The following INTS9 variants were observed in gnomAD, a reference collection of about 807,000 sequenced individuals.
INTS9 encodes the protein protein related to CPSF subunits of 74 kDa.
Under a neutral mutation model 79.7 loss-of-function variants are expected in INTS9, and 55 were observed. The observed-to-expected ratio is 0.69, with a 90% CI of 0.56 to 0.86. The LOEUF (loss-of-function observed/expected upper bound fraction) is 0.86, where lower values mean the gene tolerates loss of function less well. INTS9 is among the 40% of genes least tolerant of loss of function. The pLI is 0.00. For missense variants in INTS9, 721 were observed against 831.5 expected (o/e 0.87, Z 1.64); for synonymous variants, 319 against 325.2 (o/e 0.98, Z 0.20).
intron 1 of INTS9, among the ~76,000 whole-genome samples, chr8:28,863,679 G>A (rs1438316563): frequency 6.6e-6 from 1 of 152,196 alleles, no homozygotes; most frequent in Non-Finnish European, 1.5e-5. Flanking sequence ...GTGAGGCTAA[G>A]GCTGAGGCAG....
At chr8:28,823,216 C>G (rs1024344539) in intron 6 of INTS9, among the ~76,000 whole-genome samples, 11 of 152,192 alleles carry the variant, frequency 7.2e-5, no homozygotes, top group Admixed American at 1.3e-4. Context: ...GAGGTAAAGG[C>G]ACCTGAAAAA....
Position 28,793,795 on chromosome 8 carries a change from C to T in INTS9, c.1037+12G>A, listed in dbSNP as rs56837295. On this transcript the variant is annotated intron_variant, in intron 10 of 16. Transcript: ENST00000521022. ...TAAAATTCACAAAAAAAAAAAAAAA[C>T]CACGGACATACCACTCAGCAAAGAT... 1 of 1,462,566 alleles carries T rather than the reference C, an allele frequency of 6.8e-7. No homozygotes were observed. The highest frequency in any genetic ancestry group is 2.7e-5 in the East Asian group (1 of 37,650). The allele number at this position is 1,462,566 out of a possible 1,614,324, so 90.6% of individuals were successfully genotyped here.
intron 5 of INTS9, among the ~76,000 whole-genome samples, chr8:28,836,299 CAGTT>C (rs1349902203): frequency 6.6e-6 from 1 of 152,134 alleles, no homozygotes; most frequent in Non-Finnish European, 1.5e-5. Flanking sequence ...GCTGCGCTAT[CAGTT>C]AGATCAAGGT....
At chr8:28,835,983 T>C (rs1033494450) in intron 5 of INTS9, among the ~76,000 whole-genome samples, 2 of 152,062 alleles carry the variant, frequency 1.3e-5, no homozygotes, top group African/African-American at 4.8e-5. Flanking sequence ...TAATTTTTTG[T>C]ATTTTTAGTA....
At chr8:28,768,736 A>G (rs2130829839) in intron 16 of INTS9, among the ~76,000 whole-genome samples, 2 of 152,342 alleles carry the variant, frequency 1.3e-5, no homozygotes, top group East Asian at 3.9e-4. Context: ...TCAAGAGTGA[A>G]GGAGAGAAGG....
chr8:28,865,920 C>T (rs372078850), intron 1 of INTS9, among the ~76,000 whole-genome samples: 2 of 151,322 alleles, frequency 1.3e-5, no homozygotes, highest in South Asian at 4.2e-4. Flanking sequence ...TCATTTTACT[C>T]CCCCCTCCCT....
chr8:28,797,444 G>T (rs1247656048), intron 8 of INTS9, among the ~76,000 whole-genome samples: 1 of 151,962 alleles, frequency 6.6e-6, no homozygotes, highest in Admixed American at 6.6e-5. Context: ...TATAAAATGG[G>T]GCTATTTCTT....
At chr8:28,881,131 G>T (rs1278298266) in intron 1 of INTS9, among the ~76,000 whole-genome samples, 4 of 146,326 alleles carry the variant, frequency 2.7e-5, no homozygotes, top group African/African-American at 1.0e-4. Flanking sequence ...AGGTGGGGGG[G>T]TCAGCCCCCC....
intron 1 of INTS9, among the ~76,000 whole-genome samples, chr8:28,889,623 C>T (rs995873967): frequency 3.9e-5 from 6 of 152,156 alleles, no homozygotes; most frequent in African/African-American, 1.4e-4. Context: ...AGGACTGTGA[C>T]AGTCAACCTC....
chr8:28,785,787 G>T (rs1425776305), intron 11 of INTS9, among the ~76,000 whole-genome samples: 1 of 152,178 alleles, frequency 6.6e-6, no homozygotes, highest in Non-Finnish European at 1.5e-5. Context: ...ACATGCACAA[G>T]TGGATTTCTT....
At chr8:28,873,537 G>A (rs1475116823) in intron 1 of INTS9, among the ~76,000 whole-genome samples, 2 of 152,184 alleles carry the variant, frequency 1.3e-5, no homozygotes, top group Non-Finnish European at 2.9e-5. Flanking sequence ...ACACAGTGAT[G>A]TAAGTCAGAA....
chr8:28,851,881 A>G (rs1807858998), intron 2 of INTS9, among the ~76,000 whole-genome samples: 1 of 152,104 alleles, frequency 6.6e-6, no homozygotes. Flanking sequence ...TTTTGCCTTT[A>G]TTTATCCAAA....
intron 1 of INTS9, among the ~76,000 whole-genome samples, chr8:28,866,625 A>T (rs922508088): frequency 1.9e-4 from 29 of 152,224 alleles, no homozygotes; most frequent in African/African-American, 6.8e-4. Context: ...TGAATGTTAC[A>T]TTTATTACTA....
intron 1 of INTS9, among the ~76,000 whole-genome samples, chr8:28,873,548 T>C (rs1809204391): frequency 6.6e-6 from 1 of 152,198 alleles, no homozygotes; most frequent in Non-Finnish European, 1.5e-5. Context: ...TAAGTCAGAA[T>C]AGTGATTAAC....
At chr8:28,789,066 C>A (rs1265673324) in intron 10 of INTS9, among the ~76,000 whole-genome samples, 5 of 152,068 alleles carry the variant, frequency 3.3e-5, no homozygotes, top group Non-Finnish European at 5.9e-5. Flanking sequence ...TCACTTTATA[C>A]CCTACTTGGA....
chr8:28,851,658 C>T (rs930798128), intron 2 of INTS9, among the ~76,000 whole-genome samples: 10 of 151,680 alleles, frequency 6.6e-5, no homozygotes, highest in African/African-American at 1.5e-4. Flanking sequence ...AGGATGGTCT[C>T]GATCTCCTGA....
At chr8:28,881,692 C>G (rs1809826920) in intron 1 of INTS9, among the ~76,000 whole-genome samples, 1 of 132,272 alleles carries the variant, frequency 7.6e-6, no homozygotes, top group Non-Finnish European at 1.7e-5. Flanking sequence ...CCGCCCCGTC[C>G]GGGAGGGAGG....
intron 4 of INTS9, among the ~76,000 whole-genome samples, chr8:28,839,285 A>G (rs1807012831): frequency 6.6e-6 from 1 of 152,152 alleles, no homozygotes. Flanking sequence ...TCAATGAAAT[A>G]AAAGAGGATA....
At chr8:28,836,207 G>A (rs1806796956) in intron 5 of INTS9, among the ~76,000 whole-genome samples, 1 of 152,206 alleles carries the variant, frequency 6.6e-6, no homozygotes, top group African/African-American at 2.4e-5. Flanking sequence ...GACAAATGGA[G>A]TACGCTGCTA....
Sources: gnomAD v4.1 joint callset for allele counts (sites outside exome capture counted in the v4.1 genomes callset) on GRCh38, gnomAD v4.1.1 for gene constraint, MANE v1.5 for transcripts, NCBI Gene and HGNC (gene_info 2026-07-23, HGNC 2026-07-21) for gene names.